The following LRRTM4 variants were observed in gnomAD, a reference collection of about 807,000 sequenced individuals.
LRRTM4 encodes leucine-rich repeat transmembrane neuronal protein 4.
LRRTM4 carries 25 observed loss-of-function variants against 47.6 expected under a neutral mutation model. That is an observed-to-expected ratio of 0.53 (90% CI 0.38 to 0.73). LRRTM4 has a LOEUF of 0.73. LRRTM4 is among the 30% of genes least tolerant of loss of function. The pLI, the probability that LRRTM4 is intolerant of heterozygous loss-of-function variation, is 0.00. For missense variants in LRRTM4, 638 were observed against 713.4 expected (o/e 0.89, Z 1.20); for synonymous variants, 311 against 269.5 (o/e 1.15, Z -1.51).
At chr2:76,979,265 G>C (rs1274303774) in intron 3 of LRRTM4, among the ~76,000 whole-genome samples, 1 of 151,952 alleles carries the variant, frequency 6.6e-6, no homozygotes, top group African/African-American at 2.4e-5. Context: ...AGAACAAGTA[G>C]GGTGTCTATT....
chr2:77,249,740 C>A (rs910789168), intron 3 of LRRTM4, among the ~76,000 whole-genome samples: 1 of 152,170 alleles, frequency 6.6e-6, no homozygotes, highest in African/African-American at 2.4e-5. Context: ...GGTACAGCTA[C>A]TTTGGAGGAC....
At chr2:77,386,263 A>T (rs1265940061) in intron 3 of LRRTM4, among the ~76,000 whole-genome samples, 1 of 152,220 alleles carries the variant, frequency 6.6e-6, no homozygotes, top group Non-Finnish European at 1.5e-5. Flanking sequence ...ATAAATTTAT[A>T]CATCCAGGTT....
At chr2:77,461,012 A>C (rs1427480638) in intron 3 of LRRTM4, among the ~76,000 whole-genome samples, 1 of 152,014 alleles carries the variant, frequency 6.6e-6, no homozygotes, top group Non-Finnish European at 1.5e-5. Flanking sequence ...AGTAATTAAC[A>C]GAAATTTTTA....
At chr2:77,467,106 T>C (rs971131039) in intron 3 of LRRTM4, among the ~76,000 whole-genome samples, 17 of 151,762 alleles carry the variant, frequency 1.1e-4, no homozygotes, top group African/African-American at 4.1e-4. Flanking sequence ...CAGGCTGTTT[T>C]GTTGTTGTTG....
At chr2:77,048,323 G>A (rs62170907) in intron 3 of LRRTM4, among the ~76,000 whole-genome samples, 1,857 of 152,108 alleles carry the variant, frequency 0.012, 17 homozygotes, top group Middle Eastern at 0.037. Context: ...AAGGGAAGTG[G>A]ACCCATACAT....
chr2:76,774,712 C>A (rs887441230), intron 3 of LRRTM4, among the ~76,000 whole-genome samples: 1 of 152,000 alleles, frequency 6.6e-6, no homozygotes, highest in Non-Finnish European at 1.5e-5. Flanking sequence ...AGGCACATTC[C>A]GTGTAACTTT....
chr2:76,759,731 A>G (rs1423089784), intron 3 of LRRTM4, among the ~76,000 whole-genome samples: 5 of 151,944 alleles, frequency 3.3e-5, no homozygotes, highest in Non-Finnish European at 7.4e-5. Flanking sequence ...TGTATTCACT[A>G]TTCTCTTTGC....
intron 3 of LRRTM4, among the ~76,000 whole-genome samples, chr2:77,190,279 G>C (rs1294861384): frequency 1.4e-5 from 2 of 144,358 alleles, no homozygotes; most frequent in Non-Finnish European, 3.0e-5. Context: ...GTTCTAAACA[G>C]AGCATTTTCA....
chr2:76,873,506 G>GTGTGTATATATATATATATA (rs367573475), intron 3 of LRRTM4, among the ~76,000 whole-genome samples: 17 of 112,314 alleles, frequency 1.5e-4, no homozygotes, highest in African/African-American at 5.2e-4. Flanking sequence ...ATATATGTGT[G>GTGTGTATATATATATATATA]TATATATATA....
intron 3 of LRRTM4, among the ~76,000 whole-genome samples, chr2:77,149,004 CA>C: frequency 6.6e-6 from 1 of 152,106 alleles, no homozygotes; most frequent in South Asian, 2.1e-4. Flanking sequence ...ATCTGCAGTC[CA>C]AAAACTCCCT....
intron 3 of LRRTM4, among the ~76,000 whole-genome samples, chr2:77,124,288 G>A: frequency 6.6e-6 from 1 of 152,000 alleles, no homozygotes. Context: ...GTGGCCTGGG[G>A]CTTATACAGA....
chr2:77,290,092 A>C (rs907772471), intron 3 of LRRTM4, among the ~76,000 whole-genome samples: 1 of 151,980 alleles, frequency 6.6e-6, no homozygotes, highest in Non-Finnish European at 1.5e-5. Context: ...GAAACATATA[A>C]AATTGAAGGA....
rs13416829 is a variant in LRRTM4 at position 76,943,372 on chromosome 2, C to A, written c.1552-194456G>T. Among the ~76,000 whole-genome samples the A allele has an allele frequency of 9.6e-3, 1,465 of 152,252 alleles. 24 individuals are homozygous for A. The highest frequency in any genetic ancestry group is 0.034 in the African/African-American group (1,416 of 41,542). Reference sequence around the variant, plus strand: ...AATAGCGTGAACCCGGGAGGCAGAGCTTGCAGTGGGCGGAGATCGCACCAC... The same window carrying A: ...AATAGCGTGAACCCGGGAGGCAGAGATTGCAGTGGGCGGAGATCGCACCAC... On this transcript the variant is annotated intron_variant, in intron 3 of 3. Coordinates refer to ENST00000409884, the MANE Select transcript of LRRTM4 (RefSeq NM_001134745.3).
intron 3 of LRRTM4, among the ~76,000 whole-genome samples, chr2:77,140,936 C>T (rs1449573875): frequency 2.0e-5 from 3 of 152,102 alleles, no homozygotes; most frequent in Admixed American, 6.5e-5. Flanking sequence ...CATCTCACAC[C>T]AGTTAGAATG....
At chr2:77,306,738 CTCAA>C (rs138991684) in intron 3 of LRRTM4, among the ~76,000 whole-genome samples, 2,957 of 151,770 alleles carry the variant, frequency 0.019, 51 homozygotes, top group African/African-American at 0.039. Flanking sequence ...TTTTCCTCCT[CTCAA>C]TCAGTTTATA....
intron 3 of LRRTM4, among the ~76,000 whole-genome samples, chr2:77,047,651 T>C (rs1239243224): frequency 1.3e-5 from 2 of 152,056 alleles, no homozygotes; most frequent in Non-Finnish European, 2.9e-5. Context: ...CATATTGGAT[T>C]AATGGTCTAC....
intron 3 of LRRTM4, among the ~76,000 whole-genome samples, chr2:77,143,599 G>C (rs1672180432): frequency 6.6e-6 from 1 of 152,062 alleles, no homozygotes; most frequent in Admixed American, 6.6e-5. Flanking sequence ...AAAATAGAGA[G>C]ACAAACAATA....
chr2:76,843,547 TGAA>T (rs1671749178), intron 3 of LRRTM4, among the ~76,000 whole-genome samples: 1 of 152,236 alleles, frequency 6.6e-6, no homozygotes, highest in Non-Finnish European at 1.5e-5. Flanking sequence ...CAATGATAAC[TGAA>T]TATTTCATAA....
At chr2:76,831,806 C>CT (rs201700949) in intron 3 of LRRTM4, among the ~76,000 whole-genome samples, 4 of 151,994 alleles carry the variant, frequency 2.6e-5, no homozygotes, top group Admixed American at 6.6e-5. Context: ...GAGAATTTAG[C>CT]TTTTTTTAAA....
Sources: gnomAD v4.1 joint callset for allele counts (sites outside exome capture counted in the v4.1 genomes callset) on GRCh38, gnomAD v4.1.1 for gene constraint, MANE v1.5 for transcripts, NCBI Gene and HGNC (gene_info 2026-07-23, HGNC 2026-07-21) for gene names.